FAM184B: variants seen among roughly 807,000 people sequenced by gnomAD.
FAM184B encodes family with sequence similarity 184 member B.
A neutral mutation model predicts 135.9 loss-of-function variants in FAM184B; 111 were observed. That is an observed-to-expected ratio of 0.82 (90% CI 0.70 to 0.96). FAM184B has a LOEUF of 0.96. FAM184B is among the 40% of genes least tolerant of loss of function. The pLI is 0.00. For missense variants in FAM184B, 1,375 were observed against 1,323.9 expected, an observed-to-expected ratio of 1.04 and a Z score of -0.60; for synonymous variants, 552 against 524.8, an observed-to-expected ratio of 1.05 and a Z score of -0.71.
Position 17,648,068 on chromosome 4 carries a change from A to C in FAM184B, c.2192-277T>G, listed in dbSNP as rs537688667. 3.9e-5 allele frequency among the ~76,000 whole-genome samples: 6 copies of C among 152,266 alleles called. No individual in the cohort carries two copies. In the South Asian group the frequency reaches 8.3e-4, roughly 21 times the overall value. On this transcript the variant is annotated intron_variant, in intron 11 of 17. Coordinates refer to ENST00000265018, the MANE Select transcript of FAM184B (RefSeq NM_015688.2). Reference sequence around the variant, plus strand: ...AGGGACCTGAGCATCAGAGAGGGTGAGCACAATGCCCAAAGCCACACAGCT... The same window carrying C: ...AGGGACCTGAGCATCAGAGAGGGTGCGCACAATGCCCAAAGCCACACAGCT...
intron 15 of FAM184B, among the ~76,000 whole-genome samples, 193 bp from the exon 16 acceptor site, chr4:17,635,306 T>G (rs1201783481): frequency 6.6e-6 from 1 of 152,118 alleles, no homozygotes; most frequent in East Asian, 1.9e-4. Flanking sequence ...CCCCAGCCCC[T>G]CTTGTAAAGA....
At chr4:17,650,700 G>A (rs754992129) in intron 11 of FAM184B, among the ~76,000 whole-genome samples, 4 of 152,148 alleles carry the variant, frequency 2.6e-5, no homozygotes, top group Non-Finnish European at 5.9e-5. Context: ...TCCCATGTAG[G>A]CACCTCCATT....
At chr4:17,721,568 G>A (rs990330587) in intron 1 of FAM184B, among the ~76,000 whole-genome samples, 2 of 152,024 alleles carry the variant, frequency 1.3e-5, no homozygotes, top group African/African-American at 2.4e-5. Context: ...ATAGAGGCAA[G>A]ACATGCAAGG....
intron 11 of FAM184B, among the ~76,000 whole-genome samples, chr4:17,650,757 G>A (rs1484403246): frequency 1.3e-5 from 2 of 152,146 alleles, no homozygotes; most frequent in Non-Finnish European, 2.9e-5. Flanking sequence ...TTTCCTTCCT[G>A]CTCCTCACAC....
At chr4:17,664,063 G>A (rs1032046599) in intron 8 of FAM184B, among the ~76,000 whole-genome samples, 2 of 152,012 alleles carry the variant, frequency 1.3e-5, no homozygotes, top group South Asian at 2.1e-4. Context: ...TCTTTATAGC[G>A]GTGTGGAAAC....
chr4:17,697,619 A>C (rs1268902662), intron 5 of FAM184B, among the ~76,000 whole-genome samples: 1 of 152,230 alleles, frequency 6.6e-6, no homozygotes, highest in Non-Finnish European at 1.5e-5. Context: ...TTCATTAATT[A>C]GCTTCTCATC....
chr4:17,639,302 A>C lies in FAM184B; in HGVS notation c.2614T>G (p.Phe872Val). 1 of 1,551,632 alleles carries C rather than the reference A, an allele frequency of 6.4e-7. No homozygotes were observed. The highest frequency in any genetic ancestry group is 2.4e-5 in the East Asian group (1 of 40,904). Residue 872 changes from phenylalanine (F) to valine (V), a missense_variant, in exon 14 of 18, where the codon TTC becomes GTC. Physicochemically the swap from Phe to Val is conservative, Grantham distance 50. Coordinates refer to ENST00000265018, the MANE Select transcript of FAM184B (RefSeq NM_015688.2). ...TGGAGCTGGGCCTGGGCACTACTGA[A>C]ATCTGCCACCATGGCCTGCATCTCC... is the stretch of plus-strand genomic sequence containing the variant. Reference protein sequence around the residue: ...RKEMQAMVADFSSAQAQLQAR... With the variant: ...RKEMQAMVADVSSAQAQLQAR...
At chr4:17,777,835 C>T (rs979441505) in intron 1 of FAM184B, among the ~76,000 whole-genome samples, 1 of 152,144 alleles carries the variant, frequency 6.6e-6, no homozygotes. Flanking sequence ...AGCATATGCA[C>T]CCCTGTAATC....
At chr4:17,765,874 T>A (rs953969615) in intron 1 of FAM184B, among the ~76,000 whole-genome samples, 4 of 152,152 alleles carry the variant, frequency 2.6e-5, no homozygotes, top group African/African-American at 9.7e-5. Context: ...GGGGTCTCCC[T>A]GGTTTCAGAA....
rs770563665 is a variant in FAM184B, at chr4:17,709,191, C to G, written c.595G>C (p.Glu199Gln). 1.9e-6 allele frequency: 3 copies of G among 1,548,232 alleles called. No homozygotes were observed. Among genetic ancestry groups the G allele is most frequent in the Non-Finnish European group, 2.6e-6 (3 of 1,146,678 alleles). ...TTCTCCACTCGCAGCCGCTGCACCTCTAGCAGGACCTCCTGCATCTCCGGG... is the reference window on the plus strand; with the variant it reads ...TTCTCCACTCGCAGCCGCTGCACCTGTAGCAGGACCTCCTGCATCTCCGGG... ...QGPEMQEVLL[E>Q]VQRLRVENQQ... Residue 199 changes from glutamate to glutamine, a missense_variant, in exon 2 of 18, where the codon GAG becomes CAG. Glu to Gln is a conservative substitution (Grantham distance 29). Coordinates refer to ENST00000265018, the MANE Select transcript of FAM184B (RefSeq NM_015688.2).
intron 1 of FAM184B, among the ~76,000 whole-genome samples, chr4:17,774,992 CTTTTTTTTTTT>C (rs71167338): frequency 1.2e-5 from 1 of 81,750 alleles, no homozygotes; most frequent in Admixed American, 1.8e-4. Flanking sequence ...TTTTCCTTTT[CTTTTTTTTTTT>C]TTTTTTTTTT....
chr4:17,739,650 G>C (rs549879738), intron 1 of FAM184B, among the ~76,000 whole-genome samples: 2 of 135,202 alleles, frequency 1.5e-5, no homozygotes, highest in African/African-American at 5.4e-5. Flanking sequence ...TGCCTCCCAG[G>C]TTCAAGTGAT....
At chr4:17,712,076 A>G (rs1717288538) in intron 1 of FAM184B, among the ~76,000 whole-genome samples, 1 of 152,238 alleles carries the variant, frequency 6.6e-6, no homozygotes. Flanking sequence ...GATTTTCCTC[A>G]GTCAGGTTCA....
intron 7 of FAM184B, among the ~76,000 whole-genome samples, chr4:17,669,496 CAAAAG>C (rs1716123763): frequency 6.6e-6 from 1 of 152,064 alleles, no homozygotes; most frequent in Non-Finnish European, 1.5e-5. Flanking sequence ...GTCCAGGTCT[CAAAAG>C]GAAAATTCAA....
rs190532350 is a variant in FAM184B, at chr4:17,730,607, T to C, written c.142-20963A>G. ...CAAGCCAGAAGAGAGTGGGGGCCAA[T>C]ATTCAACATTCTTAAAGAAAAGATG... On this transcript the variant is annotated intron_variant, in intron 1 of 17. Transcript: ENST00000265018. 7.0e-4 allele frequency among the ~76,000 whole-genome samples: 107 copies of C among 152,236 alleles called. 1 individual carries two copies. The highest frequency in any genetic ancestry group is 1.4e-3 in the Non-Finnish European group (93 of 68,022).
At chr4:17,772,825 G>A (rs530891829) in intron 1 of FAM184B, among the ~76,000 whole-genome samples, 26 of 152,338 alleles carry the variant, frequency 1.7e-4, no homozygotes, top group African/African-American at 6.3e-4. Flanking sequence ...GGGCAGTTCT[G>A]CCTGCCAGGT....
intron 1 of FAM184B, among the ~76,000 whole-genome samples, chr4:17,771,930 T>C (rs1052157623): frequency 6.6e-5 from 10 of 152,156 alleles, no homozygotes; most frequent in Admixed American, 5.2e-4. Flanking sequence ...TCACAACATA[T>C]CACCAAGGTG....
intron 1 of FAM184B, among the ~76,000 whole-genome samples, chr4:17,729,766 C>T (rs1039000916): frequency 1.3e-5 from 2 of 152,122 alleles, no homozygotes; most frequent in East Asian, 1.9e-4. Context: ...CCCTTCTGTA[C>T]GTCACCATCA....
chr4:17,662,344 CT>C (rs35855307), intron 8 of FAM184B, among the ~76,000 whole-genome samples: 91,162 of 149,186 alleles, frequency 0.61, 28,377 homozygotes, highest in East Asian at 0.93. Context: ...ATATTTTTTT[CT>C]TTTTTTTTTT....
Sources: allele counts gnomAD v4.1 joint callset (sites outside exome capture counted in the v4.1 genomes callset), GRCh38; gene constraint gnomAD v4.1.1; transcripts MANE v1.5; gene names NCBI Gene and HGNC (gene_info 2026-07-23, HGNC 2026-07-21).